Variants in ARID4B observed in about 807,000 individuals in gnomAD.
ARID4B encodes the protein AT-rich interaction domain 4B.
Under a neutral mutation model 147.5 loss-of-function variants are expected in ARID4B, and 26 were observed. The observed-to-expected ratio is 0.18, with a 90% CI of 0.13 to 0.24. The LOEUF is 0.24. Among genes scored for constraint, ARID4B ranks in the 10% least tolerant of loss-of-function variants. The pLI is 1.00. For missense variants in ARID4B, 1,179 were observed against 1,511.5 expected (o/e 0.78, Z 3.65); for synonymous variants, 512 against 507.9 (o/e 1.01, Z -0.11).
intron 3 of ARID4B, among the ~76,000 whole-genome samples, chr1:235,258,626 T>C (rs1490897576): frequency 2.0e-5 from 3 of 152,228 alleles, no homozygotes; most frequent in East Asian, 3.8e-4. Context: ...CTTATAGGGA[T>C]TGAATCATTA....
At chr1:235,226,587 T>C (rs143478548) in intron 11 of ARID4B, among the ~76,000 whole-genome samples, 5,880 of 152,064 alleles carry the variant, frequency 0.039, 152 homozygotes, top group Non-Finnish European at 0.058. Context: ...AGTGGCGTGA[T>C]CTCGGCTCAC....
intron 2 of ARID4B, among the ~76,000 whole-genome samples, chr1:235,262,538 G>A (rs1670356969): frequency 1.3e-5 from 2 of 152,038 alleles, no homozygotes; most frequent in Admixed American, 6.5e-5. Flanking sequence ...GTGAATAAAT[G>A]CATTTCTACT....
At chr1:235,227,830 A>ATTTT (rs1166758894) in intron 11 of ARID4B, among the ~76,000 whole-genome samples, 91 of 125,290 alleles carry the variant, frequency 7.3e-4, no homozygotes, top group African/African-American at 2.2e-3. Flanking sequence ...CTTTTCTGCT[A>ATTTT]TTTTTTTTTT....
At chr1:235,304,012 G>A (rs866703782) in intron 2 of ARID4B, among the ~76,000 whole-genome samples, 1 of 152,148 alleles carries the variant, frequency 6.6e-6, no homozygotes, top group Non-Finnish European at 1.5e-5. Flanking sequence ...AAGCAATGAA[G>A]TAAATGTTAT....
intron 6 of ARID4B, among the ~76,000 whole-genome samples, chr1:235,247,000 T>C (rs1232201312): frequency 3.3e-5 from 5 of 152,176 alleles, no homozygotes; most frequent in Admixed American, 2.6e-4. Context: ...GTAAGTTATA[T>C]TACTACTCTG....
rs374308327 is a variant in ARID4B at position 235,234,906 on chromosome 1, T to C, written c.586-414A>G. Among the ~76,000 whole-genome samples, 34 of 152,312 alleles carry C rather than the reference T, an allele frequency of 2.2e-4. No homozygotes were observed. In the South Asian group the frequency reaches 6.8e-3, roughly 31 times the overall value. ...ATTCTTAGGATAAAATCTAACATCTTTGTTGAAAGAATCTGAAACCAAAGA... is the reference window on the plus strand; with the variant it reads ...ATTCTTAGGATAAAATCTAACATCTCTGTTGAAAGAATCTGAAACCAAAGA... On this transcript the variant is annotated intron_variant, in intron 8 of 23. Coordinates refer to ENST00000264183, the MANE Select transcript of ARID4B (RefSeq NM_016374.6).
intron 17 of ARID4B, among the ~76,000 whole-genome samples, chr1:235,211,056 G>A (rs562224083): frequency 1.3e-5 from 2 of 152,250 alleles, no homozygotes; most frequent in South Asian, 2.1e-4. Context: ...AGCCTTGGCC[G>A]GGCACGGTGG....
At chr1:235,245,611 C>T (rs577685316) in intron 7 of ARID4B, among the ~76,000 whole-genome samples, 1 of 152,060 alleles carries the variant, frequency 6.6e-6, no homozygotes, top group Non-Finnish European at 1.5e-5. Context: ...AATTGTCAGA[C>T]ATAAACACCA....
At chr1:235,276,343 C>A (rs1671313834) in intron 2 of ARID4B, among the ~76,000 whole-genome samples, 1 of 151,930 alleles carries the variant, frequency 6.6e-6, no homozygotes, top group African/African-American at 2.4e-5. Context: ...TTTTAAAAAT[C>A]AGCTTTTAAG....
At chr1:235,300,905 C>G (rs998811983) in intron 2 of ARID4B, among the ~76,000 whole-genome samples, 1 of 151,782 alleles carries the variant, frequency 6.6e-6, no homozygotes, top group African/African-American at 2.4e-5. Flanking sequence ...TTAGTAGAGG[C>G]GGGGTTTCAC....
chr1:235,194,268 T>C (rs1665335240), intron 18 of ARID4B, 57 bp from the exon 19 acceptor site: 3 of 1,258,962 alleles, frequency 2.4e-6, no homozygotes, highest in East Asian at 4.7e-5. Flanking sequence ...TCAGAAACAA[T>C]GTTAATGTCC....
intron 2 of ARID4B, among the ~76,000 whole-genome samples, chr1:235,314,321 A>G (rs939814120): frequency 3.3e-5 from 5 of 152,238 alleles, no homozygotes; most frequent in African/African-American, 1.2e-4. Context: ...AGCACAGTGT[A>G]AAGCATTTTA....
intron 19 of ARID4B, among the ~76,000 whole-genome samples, chr1:235,188,451 A>C (rs1424124937): frequency 6.6e-6 from 1 of 152,194 alleles, no homozygotes; most frequent in Admixed American, 6.5e-5. Context: ...ACTAAAAATT[A>C]CTTAGATGCC....
intron 6 of ARID4B, among the ~76,000 whole-genome samples, chr1:235,247,271 A>C (rs1264916604): frequency 6.6e-6 from 1 of 152,190 alleles, no homozygotes; most frequent in East Asian, 1.9e-4. Flanking sequence ...GAGACTTCTT[A>C]AAGATACAAA....
intron 17 of ARID4B, among the ~76,000 whole-genome samples, chr1:235,198,488 T>G (rs1665653358): frequency 6.6e-6 from 1 of 152,200 alleles, no homozygotes; most frequent in Non-Finnish European, 1.5e-5. Context: ...TTAAATTCTC[T>G]TAAGAACAAG....
At position 235,229,289 on chromosome 1, in the gene ARID4B, T is replaced by G. The variant is rs760292897; in HGVS notation, c.839A>C (p.Glu280Ala). The change falls in exon 11 of 24, where the codon GAA (glutamate) becomes GCA (alanine). Residue 280 changes from glutamate (E) to alanine (A), a missense_variant. Coordinates refer to ENST00000264183, the MANE Select transcript of ARID4B (RefSeq NM_016374.6). Reference protein sequence around the residue: ...KEDSSSSEAEEEEEEEDDEKE... With the variant: ...KEDSSSSEAEAEEEEEDDEKE... ...TTCATCATCTTCCTCCTCCTCTTCT[T>G]CCTCTGCTTCACTGCTAGAGCTATC... 1 of 1,613,456 alleles carries G rather than the reference T, an allele frequency of 6.2e-7. No homozygotes were observed. The highest frequency in any genetic ancestry group is 8.5e-7 in the Non-Finnish European group (1 of 1,179,592).
chr1:235,299,587 T>C (rs889530488), intron 2 of ARID4B, among the ~76,000 whole-genome samples: 1 of 152,238 alleles, frequency 6.6e-6, no homozygotes, highest in Non-Finnish European at 1.5e-5. Flanking sequence ...CAGCCTCTAA[T>C]ACATCAGAGA....
At position 235,186,818 on chromosome 1, in the gene ARID4B, C is replaced by G. The variant is rs527463955; in HGVS notation, c.2126-4025G>C. ...TCAAGCAATTCTCATGCTTCTGCCTCCTGAGCAGCTGGGATTATAGGCACC... is the reference window on the plus strand; with the variant it reads ...TCAAGCAATTCTCATGCTTCTGCCTGCTGAGCAGCTGGGATTATAGGCACC... On this transcript the variant is annotated intron_variant, in intron 19 of 23. Coordinates refer to ENST00000264183, the MANE Select transcript of ARID4B (RefSeq NM_016374.6). Among the ~76,000 whole-genome samples, 63 of 152,168 alleles carry G rather than the reference C, an allele frequency of 4.1e-4. 2 individuals are homozygous for G. The South Asian group carries it at 0.012, about 29-fold the overall frequency.
chr1:235,200,032 G>A (rs1039463761), intron 17 of ARID4B, among the ~76,000 whole-genome samples: 1 of 151,148 alleles, frequency 6.6e-6, no homozygotes, highest in Middle Eastern at 3.5e-3. Context: ...AAATTCATGT[G>A]GGGAGGCCGG....
Sources: allele counts gnomAD v4.1 joint callset (sites outside exome capture counted in the v4.1 genomes callset), GRCh38; gene constraint gnomAD v4.1.1; transcripts MANE v1.5; gene names NCBI Gene and HGNC (gene_info 2026-07-23, HGNC 2026-07-21).